The following BSPRY variants were observed in gnomAD, a reference collection of about 807,000 sequenced individuals.
BSPRY encodes B box and SPRY domain-containing protein.
In BSPRY, 33 loss-of-function variants were observed where a neutral mutation model predicts 38.0. The observed-to-expected ratio is 0.87, with a 90% CI of 0.66 to 1.16. BSPRY has a LOEUF of 1.16. Ranked by LOEUF, BSPRY falls within the 50% of genes most tolerant of loss-of-function variation. The probability of loss-of-function intolerance (pLI) is 0.00; values close to 1 mark genes in which losing one functional copy is unlikely to be tolerated. For synonymous variants in BSPRY, 224 were observed against 228.5 expected (o/e 0.98, Z 0.18); for missense variants, 523 against 533.2 (o/e 0.98, Z 0.19).
At chr9:113,362,534 T>C in intron 4 of BSPRY, 140 bp downstream of exon 4, 1 of 858,410 alleles carries the variant, frequency 1.2e-6, no homozygotes. Context: ...CCTGGCTCTG[T>C]GGACAGGGAA....
chr9:113,369,636 G>A lies in BSPRY; in HGVS notation c.703G>A (p.Asp235Asn), dbSNP rs377189582. The change falls in exon 6 of 6, where the codon GAT (aspartate) becomes AAT (asparagine). Residue 235 changes from aspartate (D) to asparagine (N), a missense_variant. Transcript: ENST00000374183. ...GGCAGGCACAGAGGACATACGGATC[G>A]ATGAGAGGACAGTCAGCCCCTTCCT... ...SLSGTEDIRI[D>N]ERTVSPFLQL... 6.2e-6 allele frequency: 10 copies of A among 1,613,278 alleles called. No individual in the cohort carries two copies. The highest frequency in any genetic ancestry group is 5.3e-5 in the African/African-American group (4 of 74,914).
Position 113,361,554 on chromosome 9 carries a change from G to A in BSPRY, c.532-815G>A, listed in dbSNP as rs146313439. ...AGAGGAACTCACCCATGCTAGGGAC[G>A]GACAATCCAGGCTAGGGGAAAGAGG... On this transcript the variant is annotated intron_variant, in intron 3 of 5. Coordinates refer to ENST00000374183, the MANE Select transcript of BSPRY (RefSeq NM_017688.3). 1.2e-4 allele frequency among the ~76,000 whole-genome samples: 18 copies of A among 152,280 alleles called. No homozygotes were observed. In the East Asian group the frequency reaches 3.5e-3, roughly 29 times the overall value.
intron 4 of BSPRY, among the ~76,000 whole-genome samples, chr9:113,364,947 G>GTTTTTTTT (rs144272713): frequency 7.4e-6 from 1 of 134,524 alleles, no homozygotes; most frequent in African/African-American, 2.7e-5. Flanking sequence ...TCCTTAGCTT[G>GTTTTTTTT]TTTTTTTTTT....
At chr9:113,357,886 C>CTATA (rs59328879) in intron 2 of BSPRY, among the ~76,000 whole-genome samples, 8 of 96,824 alleles carry the variant, frequency 8.3e-5, no homozygotes, top group Non-Finnish European at 1.6e-4. Flanking sequence ...CTGTAGAGTT[C>CTATA]TATATATATA....
In BSPRY at chr9:113,368,988, A is replaced by ATTT. The variant is rs35471203; in HGVS notation, c.683-616_683-614dup. On this transcript the variant is annotated intron_variant, in intron 5 of 5. Coordinates refer to ENST00000374183, the MANE Select transcript of BSPRY (RefSeq NM_017688.3). ...GTGGAACAGTTAGGTTAATAGACTG[A>ATTT]TTTTTTTTTTTTTTCAGTTTTAATC... Among the ~76,000 whole-genome samples, 46 of 145,932 alleles carry ATTT rather than the reference A, an allele frequency of 3.2e-4. 1 individual carries two copies. The highest frequency in any genetic ancestry group is 7.2e-3 in the Middle Eastern group (2 of 278).
chr9:113,352,763 G>A (rs189630117), intron 1 of BSPRY, among the ~76,000 whole-genome samples: 108 of 152,262 alleles, frequency 7.1e-4, no homozygotes, highest in African/African-American at 2.6e-3. Flanking sequence ...CTGGCTAGCT[G>A]GGGGGTTGGG....
At chr9:113,366,900 A>G (rs1834262310) in intron 4 of BSPRY, among the ~76,000 whole-genome samples, 1 of 152,220 alleles carries the variant, frequency 6.6e-6, no homozygotes, top group Admixed American at 6.5e-5. Flanking sequence ...CCATTTATGC[A>G]CAGAGCCATG....
intron 2 of BSPRY, among the ~76,000 whole-genome samples, chr9:113,357,343 C>T (rs1564336341): frequency 6.6e-6 from 1 of 152,194 alleles, no homozygotes; most frequent in Non-Finnish European, 1.5e-5. Flanking sequence ...CCTTGTGCTA[C>T]CCTTTTATAG....
rs1179469079 is a variant in BSPRY at position 113,349,622 on chromosome 9, G to C, written c.43G>C (p.Gly15Arg). 1 of 1,202,306 alleles carries C rather than the reference G, an allele frequency of 8.3e-7. No individual in the cohort carries two copies. Among genetic ancestry groups the C allele is most frequent in the Non-Finnish European group, 1.0e-6 (1 of 968,532 alleles). The allele number at this position is 1,202,306 out of a possible 1,614,324, so 74.5% of individuals were successfully genotyped here. A position where few individuals can be genotyped will look rare whatever the true frequency, so the allele number is the denominator to read the frequency against. ...GGAGCCGGGGCCGGGGTCCGGGTCC[G>C]GGCCCGGGCCGGGGCCACTCTGCCC... ...GAEPGPGSGS[G>R]PGPGPLCPEH... is the part of the protein sequence containing the mutation. The change falls in exon 1 of 6, where the codon GGG becomes CGG. Residue 15 changes from glycine (G) to arginine (R), a missense_variant. Coordinates refer to ENST00000374183, the MANE Select transcript of BSPRY (RefSeq NM_017688.3).
chr9:113,368,622 C>G (rs1006356219), intron 5 of BSPRY, among the ~76,000 whole-genome samples: 1 of 152,328 alleles, frequency 6.6e-6, no homozygotes, highest in East Asian at 1.9e-4. Flanking sequence ...AAATCTCATT[C>G]CTATAAGTCA....
rs765358310 is a variant in BSPRY, at chr9:113,369,736, G to T, written c.803G>T (p.Arg268Leu). The T allele has an allele frequency of 1.7e-4, 282 of 1,614,088 alleles. No homozygotes were observed. Among genetic ancestry groups the T allele is most frequent in the Middle Eastern group, 3.3e-4 (2 of 6,084 alleles). ...KSKACADGPE[R>L]FDHWPNALAA... ...AAGGCCTGTGCAGATGGCCCGGAGC[G>T]CTTCGACCACTGGCCCAATGCCCTG... Residue 268 changes from arginine (R) to leucine (L), a missense_variant, in exon 6 of 6, where the codon CGC becomes CTC. Coordinates refer to ENST00000374183, the MANE Select transcript of BSPRY (RefSeq NM_017688.3).
intron 4 of BSPRY, among the ~76,000 whole-genome samples, chr9:113,363,821 T>C (rs1834196131): frequency 7.6e-6 from 1 of 131,832 alleles, no homozygotes; most frequent in Non-Finnish European, 1.5e-5. Context: ...GAGGTTGCAG[T>C]GAGCTGAGAT....
chr9:113,353,834 A>C (rs1834012458), intron 1 of BSPRY, among the ~76,000 whole-genome samples: 2 of 152,266 alleles, frequency 1.3e-5, no homozygotes, highest in African/African-American at 4.8e-5. Flanking sequence ...TTCTAATCTT[A>C]AATGTTTCTA....
intron 2 of BSPRY, among the ~76,000 whole-genome samples, chr9:113,358,270 C>G (rs1834096540): frequency 6.7e-6 from 1 of 149,514 alleles, no homozygotes; most frequent in South Asian, 2.1e-4. Context: ...ATAAAAACCT[C>G]TTTTTTTTTC....
chr9:113,366,593 G>A (rs917999090), intron 4 of BSPRY, among the ~76,000 whole-genome samples: 1 of 152,172 alleles, frequency 6.6e-6, no homozygotes, highest in African/African-American at 2.4e-5. Flanking sequence ...GTACCATAGG[G>A]CAGCTAGCCC....
chr9:113,360,768 GT>G, intron 3 of BSPRY, 31 bp downstream of exon 3: 2 of 1,521,002 alleles, frequency 1.3e-6, no homozygotes, highest in Non-Finnish European at 1.8e-6. Context: ...GGCATGACCA[GT>G]TGGCCAGGCT....
In BSPRY at chr9:113,370,735, G is replaced by C. The variant is rs1834335974; in HGVS notation, c.*593G>C. 1.3e-5 allele frequency: 2 copies of C among 152,254 alleles called. No homozygotes were observed. Among genetic ancestry groups the C allele is most frequent in the Admixed American group, 1.3e-4 (2 of 15,276 alleles). 9.4% of individuals were successfully genotyped at this position (152,254 alleles called of 1,614,324 possible). A position where few individuals can be genotyped will look rare whatever the true frequency, so the allele number is the denominator to read the frequency against. ...GGTGGATGTTGTGGTCTCTGGAGAA[G>C]CACTGCCATTCAGCCTCCTGCTCCA... On this transcript the variant is annotated 3_prime_UTR_variant, in exon 6 of 6. Transcript: ENST00000374183. This position sits in a 1 kb window ranked among gnomAD's most constrained non-coding sequence, Gnocchi z 4.8.
chr9:113,359,426 C>A (rs750172349), intron 2 of BSPRY, among the ~76,000 whole-genome samples: 2 of 152,220 alleles, frequency 1.3e-5, no homozygotes, highest in Non-Finnish European at 2.9e-5. Context: ...CTGTGGGTCT[C>A]AGTGTTTTCT....
At chr9:113,358,241 C>T (rs1044215431) in intron 2 of BSPRY, among the ~76,000 whole-genome samples, 4 of 150,852 alleles carry the variant, frequency 2.7e-5, no homozygotes, top group African/African-American at 7.3e-5. Flanking sequence ...GAGCGAGACC[C>T]TGTCTCAAAA....
Sources: allele counts gnomAD v4.1 joint callset (sites outside exome capture counted in the v4.1 genomes callset), GRCh38; gene constraint gnomAD v4.1.1; non-coding constraint Gnocchi (gnomAD v3.1); transcripts MANE v1.5; gene names NCBI Gene and HGNC (gene_info 2026-07-23, HGNC 2026-07-21).